HIVEP3: variants seen among roughly 807,000 people sequenced by gnomAD.
HIVEP3 encodes the protein transcription factor HIVEP3.
Under a neutral mutation model 152.8 loss-of-function variants are expected in HIVEP3, and 49 were observed. The observed-to-expected ratio is 0.32, with a 90% CI of 0.26 to 0.41. HIVEP3 has a LOEUF of 0.41. Among genes scored for constraint, HIVEP3 ranks in the 10% least tolerant of loss-of-function variants. The pLI is 1.00. For missense variants in HIVEP3, 2,790 were observed against 3,103.3 expected (o/e 0.90, Z 2.40); for synonymous variants, 1,269 against 1,289.0 (o/e 0.98, Z 0.33).
intron 3 of HIVEP3, among the ~76,000 whole-genome samples, chr1:41,613,656 T>C (rs1284098965): frequency 6.6e-6 from 1 of 152,238 alleles, no homozygotes; most frequent in Non-Finnish European, 1.5e-5. Context: ...TAAACATAAC[T>C]CTTTAAATGC....
At chr1:41,678,673 G>A (rs1645993781) in intron 2 of HIVEP3, among the ~76,000 whole-genome samples, 2 of 149,872 alleles carry the variant, frequency 1.3e-5, no homozygotes, top group South Asian at 4.1e-4. Flanking sequence ...CAGCCCCCTT[G>A]GGCCTGAGCC....
chr1:41,643,039 G>A (rs1645399059), intron 2 of HIVEP3, among the ~76,000 whole-genome samples: 1 of 152,106 alleles, frequency 6.6e-6, no homozygotes, highest in South Asian at 2.1e-4. Flanking sequence ...CTACGCCCAT[G>A]AGCCCCTCTC....
chr1:41,805,065 G>T (rs111770846), intron 1 of HIVEP3, among the ~76,000 whole-genome samples: 1 of 152,138 alleles, frequency 6.6e-6, no homozygotes, highest in Non-Finnish European at 1.5e-5. Context: ...GGCCGGGCGC[G>T]GTGGCTCACA....
chr1:41,898,591 G>T (rs1000949325), intron 1 of HIVEP3, among the ~76,000 whole-genome samples: 1 of 152,190 alleles, frequency 6.6e-6, no homozygotes, highest in East Asian at 1.9e-4. Context: ...ACATGCACAC[G>T]TGCGTGCACA....
rs57942643 is a variant in HIVEP3, at chr1:41,605,375, G to GCACA, written c.-521-20061_-521-20058dup. On this transcript the variant is annotated intron_variant, in intron 3 of 8. Coordinates refer to ENST00000372583, the MANE Select transcript of HIVEP3 (RefSeq NM_024503.5). Reference sequence around the variant, plus strand: ...ATATTACATACACACACGCACACGCGCACACACACACACACACACACACAC... The same window carrying GCACA: ...ATATTACATACACACACGCACACGCGCACACACACACACACACACACACACACAC... 1.4e-3 allele frequency among the ~76,000 whole-genome samples: 179 copies of GCACA among 126,702 alleles called. No individual in the cohort carries two copies. In the Middle Eastern group the frequency reaches 0.029, roughly 20 times the overall value. 83.1% of individuals were successfully genotyped at this position (126,702 alleles called of 152,430 possible).
intron 1 of HIVEP3, among the ~76,000 whole-genome samples, chr1:42,020,305 C>T (rs577739687): frequency 3.3e-5 from 5 of 151,732 alleles, no homozygotes; most frequent in Non-Finnish European, 4.4e-5. Context: ...AAGACTTTAC[C>T]GGAAAAGCCA....
At chr1:41,874,489 T>C (rs1644134314) in intron 1 of HIVEP3, among the ~76,000 whole-genome samples, 1 of 152,126 alleles carries the variant, frequency 6.6e-6, no homozygotes, top group Admixed American at 6.5e-5. Flanking sequence ...ATTCACAGTG[T>C]CTAAGGTTCG....
intron 2 of HIVEP3, among the ~76,000 whole-genome samples, chr1:41,661,721 C>CACA (rs1645715199): frequency 6.6e-6 from 1 of 152,204 alleles, no homozygotes; most frequent in Admixed American, 6.5e-5. Flanking sequence ...GCCGGGTGTG[C>CACA]CGTGTCCCAC....
chr1:41,840,816 A>G (rs1444375795), intron 1 of HIVEP3, among the ~76,000 whole-genome samples: 2 of 152,230 alleles, frequency 1.3e-5, no homozygotes, highest in African/African-American at 4.8e-5. Context: ...TGGGCTGGTG[A>G]GGCTGCCTAG....
chr1:41,825,415 T>G (rs1041546592), intron 1 of HIVEP3, among the ~76,000 whole-genome samples: 7 of 151,912 alleles, frequency 4.6e-5, no homozygotes, highest in African/African-American at 1.7e-4. Context: ...TTACAACAGG[T>G]GCTCGCCACC....
intron 1 of HIVEP3, among the ~76,000 whole-genome samples, chr1:41,789,116 A>G (rs897031113): frequency 1.3e-5 from 2 of 152,204 alleles, no homozygotes; most frequent in Non-Finnish European, 1.5e-5. Context: ...GACCAAGGTC[A>G]TGGCTGGTCT....
chr1:41,934,852 G>T (rs1645012453), intron 1 of HIVEP3, among the ~76,000 whole-genome samples: 1 of 152,114 alleles, frequency 6.6e-6, no homozygotes, highest in Admixed American at 6.5e-5. Flanking sequence ...CTACCAGCCT[G>T]CAATTGCCTG....
chr1:41,935,648 ATGTG>A (rs1392602690), intron 1 of HIVEP3, among the ~76,000 whole-genome samples: 1 of 151,156 alleles, frequency 6.6e-6, no homozygotes, highest in African/African-American at 2.4e-5. Context: ...GTATGTAAAT[ATGTG>A]TGTTTGTGTA....
chr1:41,561,632 C>A (rs1220257069), intron 5 of HIVEP3, among the ~76,000 whole-genome samples: 1 of 148,986 alleles, frequency 6.7e-6, no homozygotes, highest in Non-Finnish European at 1.5e-5. Context: ...CCTGCCTCAG[C>A]CTCCTGAGTA....
intron 1 of HIVEP3, among the ~76,000 whole-genome samples, chr1:41,783,513 G>A (rs1015411856): frequency 1.3e-5 from 2 of 152,118 alleles, no homozygotes; most frequent in Non-Finnish European, 2.9e-5. Context: ...CGGAGGGCTC[G>A]CAGGGTGATG....
At chr1:41,917,166 TG>T (rs1388600295) in intron 1 of HIVEP3, among the ~76,000 whole-genome samples, 4 of 152,196 alleles carry the variant, frequency 2.6e-5, no homozygotes, top group African/African-American at 9.7e-5. Flanking sequence ...TTCTTCAGTC[TG>T]GGGGAGAGCC....
intron 1 of HIVEP3, among the ~76,000 whole-genome samples, chr1:41,747,793 T>C (rs1215905734): frequency 1.3e-5 from 2 of 152,256 alleles, no homozygotes; most frequent in Non-Finnish European, 2.9e-5. Context: ...AGACTATTGC[T>C]GGTTTTACAG....
chr1:41,626,099 T>C (rs1109254), intron 3 of HIVEP3, among the ~76,000 whole-genome samples: 116,812 of 152,222 alleles, frequency 0.77, 45,720 homozygotes, highest in East Asian at 1. Flanking sequence ...TTCTGAAGAG[T>C]GGCTGTGACT....
intron 2 of HIVEP3, among the ~76,000 whole-genome samples, chr1:41,629,805 G>C (rs368479488): frequency 1.4e-4 from 21 of 152,170 alleles, no homozygotes; most frequent in African/African-American, 4.3e-4. Context: ...GGAGAGAAGG[G>C]AATGCTTATA....
Sources: gnomAD v4.1 joint callset for allele counts (sites outside exome capture counted in the v4.1 genomes callset) on GRCh38, gnomAD v4.1.1 for gene constraint, MANE v1.5 for transcripts, NCBI Gene and HGNC (gene_info 2026-07-23, HGNC 2026-07-21) for gene names.